The following MAPKAP1 variants were observed in gnomAD, a reference collection of about 807,000 sequenced individuals.
MAPKAP1 encodes the protein target of rapamycin complex 2 subunit MAPKAP1.
Under a neutral mutation model 65.7 loss-of-function variants are expected in MAPKAP1, and 20 were observed. That is an observed-to-expected ratio of 0.30 (90% confidence interval 0.21 to 0.44). The LOEUF (loss-of-function observed/expected upper bound fraction) is 0.44, where lower values mean the gene tolerates loss of function less well. MAPKAP1 is among the 20% of genes least tolerant of loss of function. The probability of loss-of-function intolerance (pLI) is 1.00; values close to 1 mark genes in which losing one functional copy is unlikely to be tolerated. For synonymous variants in MAPKAP1, 222 were observed against 244.3 expected, an observed-to-expected ratio of 0.91 and a Z score of 0.85; for missense variants, 423 against 648.0, an observed-to-expected ratio of 0.65 and a Z score of 3.77.
At chr9:125,622,689 C>T (rs947404293) in intron 4 of MAPKAP1, among the ~76,000 whole-genome samples, 1 of 152,140 alleles carries the variant, frequency 6.6e-6, no homozygotes, top group Non-Finnish European at 1.5e-5. Context: ...CGTGATCTGC[C>T]CATCTTGGCC....
At chr9:125,527,192 G>C (rs1829797682) in intron 7 of MAPKAP1, among the ~76,000 whole-genome samples, 1 of 151,778 alleles carries the variant, frequency 6.6e-6, no homozygotes, top group Non-Finnish European at 1.5e-5. Context: ...TCAGCCTCTG[G>C]AGTAGCTGGG....
At chr9:125,526,830 C>T (rs1256765636) in intron 7 of MAPKAP1, among the ~76,000 whole-genome samples, 1 of 149,964 alleles carries the variant, frequency 6.7e-6, no homozygotes, top group Admixed American at 6.7e-5. Flanking sequence ...AGCTGGAGTG[C>T]AGTGGTGCAA....
chr9:125,443,174 C>T (rs1852558969), intron 11 of MAPKAP1, among the ~76,000 whole-genome samples: 1 of 152,240 alleles, frequency 6.6e-6, no homozygotes, highest in Admixed American at 6.5e-5. Context: ...TTCGCTACTT[C>T]TGCTATTATG....
Position 125,672,437 on chromosome 9 carries a change from C to T in MAPKAP1, c.138G>A (p.Met46Ile). The T allele has an allele frequency of 2.5e-6, 4 of 1,614,186 alleles. No homozygotes were observed. Among genetic ancestry groups the T allele is most frequent in the Non-Finnish European group, 3.4e-6 (4 of 1,180,030 alleles). Residue 46 changes from methionine to isoleucine, a missense_variant, in exon 2 of 12, where the codon ATG becomes ATA. Coordinates refer to ENST00000265960, the MANE Select transcript of MAPKAP1 (RefSeq NM_001006617.3). ...GAATTTCTGACCCACTGTCTCCAGG[C>T]ATTGAAGGAGGATGAATCTTCTCTA... ...VDLEKIHPPS[M>I]PGDSGSEIQG...
intron 1 of MAPKAP1, among the ~76,000 whole-genome samples, chr9:125,689,775 C>T (rs10123054): frequency 0.49 from 72,727 of 149,158 alleles, 18,584 homozygotes; most frequent in African/African-American, 0.66. Context: ...ATGAGAGCAA[C>T]GCTAGAGGAG....
intron 8 of MAPKAP1, among the ~76,000 whole-genome samples, chr9:125,489,773 CAAGA>C (rs1346000642): frequency 1.3e-5 from 2 of 151,914 alleles, no homozygotes; most frequent in East Asian, 3.9e-4. Flanking sequence ...GGCCTGCAGC[CAAGA>C]AAGAAAGAGA....
intron 5 of MAPKAP1, among the ~76,000 whole-genome samples, chr9:125,580,700 T>C (rs908015654): frequency 4.0e-5 from 6 of 151,872 alleles, no homozygotes; most frequent in South Asian, 4.2e-4. Flanking sequence ...AAAAAGACTA[T>C]AGACATTACT....
rs986095451 is a variant in MAPKAP1, at chr9:125,521,976, T to C, written c.959-15559A>G. 3.9e-5 allele frequency among the ~76,000 whole-genome samples: 6 copies of C among 152,202 alleles called. No individual in the cohort carries two copies. In the East Asian group the frequency reaches 5.8e-4, roughly 15 times the overall value. On this transcript the variant is annotated intron_variant, in intron 7 of 11. Coordinates refer to ENST00000265960, the MANE Select transcript of MAPKAP1 (RefSeq NM_001006617.3). ...TCAGAGGCTTCGGTAAACCACTTCCTCTCTGAACTTCAGTCTCTTCCTCTG... is the reference window on the plus strand; with the variant it reads ...TCAGAGGCTTCGGTAAACCACTTCCCCTCTGAACTTCAGTCTCTTCCTCTG...
intron 7 of MAPKAP1, among the ~76,000 whole-genome samples, chr9:125,514,146 G>A (rs1020203070): frequency 6.6e-6 from 1 of 152,118 alleles, no homozygotes; most frequent in Non-Finnish European, 1.5e-5. Flanking sequence ...GCTTCTGCAC[G>A]TGCCATTCCC....
intron 10 of MAPKAP1, among the ~76,000 whole-genome samples, chr9:125,459,722 G>A (rs1382633894): frequency 1.3e-5 from 2 of 152,192 alleles, no homozygotes; most frequent in Non-Finnish European, 2.9e-5. Context: ...GGCTGAGGCA[G>A]GAGAATCAGG....
At chr9:125,655,064 G>A (rs540288129) in intron 4 of MAPKAP1, among the ~76,000 whole-genome samples, 2 of 151,620 alleles carry the variant, frequency 1.3e-5, no homozygotes, top group East Asian at 3.9e-4. Context: ...ATTTGGAGGG[G>A]GAAAAAAACT....
chr9:125,468,869 C>T (rs150039233), intron 9 of MAPKAP1, among the ~76,000 whole-genome samples: 226 of 152,212 alleles, frequency 1.5e-3, no homozygotes, highest in African/African-American at 5.1e-3. Flanking sequence ...AAAGACAACA[C>T]GTTGTATAGT....
intron 4 of MAPKAP1, among the ~76,000 whole-genome samples, chr9:125,609,244 CTA>C (rs1204182427): frequency 2.6e-5 from 4 of 152,144 alleles, no homozygotes; most frequent in African/African-American, 9.7e-5. Context: ...TTTGAGGTCT[CTA>C]TAGAAGGGAA....
intron 8 of MAPKAP1, among the ~76,000 whole-genome samples, chr9:125,500,576 C>T (rs1828946211): frequency 6.6e-6 from 1 of 152,148 alleles, no homozygotes; most frequent in South Asian, 2.1e-4. Flanking sequence ...ACCTATGATA[C>T]ATACATGCAT....
chr9:125,485,312 C>T (rs62570179), intron 8 of MAPKAP1, among the ~76,000 whole-genome samples: 3,549 of 152,274 alleles, frequency 0.023, 56 homozygotes, highest in Middle Eastern at 0.044. Flanking sequence ...CTTTCTGATC[C>T]ATTTTTCTAA....
At chr9:125,664,694 C>A (rs1834287581) in intron 3 of MAPKAP1, among the ~76,000 whole-genome samples, 1 of 115,168 alleles carries the variant, frequency 8.7e-6, no homozygotes, top group Non-Finnish European at 1.6e-5. Context: ...CACTGCACTC[C>A]AGCCTGGGCA....
intron 7 of MAPKAP1, among the ~76,000 whole-genome samples, chr9:125,529,734 G>A (rs1829881426): frequency 6.6e-6 from 1 of 152,140 alleles, no homozygotes; most frequent in South Asian, 2.1e-4. Flanking sequence ...CTAGCTGCCT[G>A]CCATACTGTG....
intron 1 of MAPKAP1, among the ~76,000 whole-genome samples, chr9:125,702,218 T>C (rs1205688975): frequency 6.6e-6 from 1 of 151,990 alleles, no homozygotes; most frequent in Non-Finnish European, 1.5e-5. Context: ...GCAACATAGA[T>C]AGACACCATC....
At chr9:125,635,301 T>C (rs1833392150) in intron 4 of MAPKAP1, among the ~76,000 whole-genome samples, 1 of 152,204 alleles carries the variant, frequency 6.6e-6, no homozygotes, top group Non-Finnish European at 1.5e-5. Context: ...TTTCAGAAGA[T>C]TAGAAACATT....
Sources: allele counts gnomAD v4.1 joint callset (sites outside exome capture counted in the v4.1 genomes callset), GRCh38; gene constraint gnomAD v4.1.1; transcripts MANE v1.5; gene names NCBI Gene and HGNC (gene_info 2026-07-23, HGNC 2026-07-21).